POLA1: variants seen among roughly 807,000 people sequenced by gnomAD.
POLA1 encodes the protein DNA polymerase alpha catalytic subunit.
A neutral mutation model predicts 124.0 loss-of-function variants in POLA1; 15 were observed. The observed-to-expected ratio is 0.12, with a 90% CI of 0.08 to 0.19. The LOEUF (loss-of-function observed/expected upper bound fraction) is 0.19, where lower values mean the gene tolerates loss of function less well. Among genes scored for constraint, POLA1 ranks in the 10% least tolerant of loss-of-function variants. The pLI is 1.00. For synonymous variants in POLA1, 408 were observed against 389.4 expected (o/e 1.05, Z -0.56); for missense variants, 886 against 1,103.4 (o/e 0.80, Z 2.79).
At chrX:24,864,652 A>G (rs1278372148) in intron 34 of POLA1, among the ~76,000 whole-genome samples, 1 of 109,993 alleles carries the variant, frequency 9.1e-6, no homozygotes, top group Non-Finnish European at 1.9e-5. Context: ...ATCTTTTTCA[A>G]TTCTCCTTCA....
At chrX:24,898,946 C>G (rs1165227212) in intron 35 of POLA1, among the ~76,000 whole-genome samples, 5 of 111,563 alleles carry the variant, frequency 4.5e-5, no homozygotes, top group Non-Finnish European at 9.4e-5. Flanking sequence ...AGGTAAATCT[C>G]TGGAGCCTGT....
intron 36 of POLA1, among the ~76,000 whole-genome samples, chrX:24,939,059 A>G (rs1281448419): frequency 8.9e-6 from 1 of 112,026 alleles, no homozygotes; most frequent in African/African-American, 3.2e-5. Flanking sequence ...ATGATAACAG[A>G]TGTGTTACTC....
intron 36 of POLA1, among the ~76,000 whole-genome samples, chrX:24,955,155 GTT>G: frequency 1.0e-5 from 1 of 100,140 alleles, no homozygotes; most frequent in Non-Finnish European, 2.0e-5. Context: ...TTTGTTTTTG[GTT>G]TTTTTTTTTT....
intron 36 of POLA1, among the ~76,000 whole-genome samples, chrX:24,973,485 T>A (rs1025540538): frequency 2.7e-5 from 3 of 112,242 alleles, no homozygotes; most frequent in Non-Finnish European, 5.6e-5. Flanking sequence ...TCCACTGGCT[T>A]CAGGCTGTGT....
chrX:24,899,962 T>A (rs776599174), intron 35 of POLA1, among the ~76,000 whole-genome samples: 1 of 112,319 alleles, frequency 8.9e-6, no homozygotes, highest in Non-Finnish European at 1.9e-5. Flanking sequence ...TAATGTTTTT[T>A]GTGTCCTATA....
At chrX:24,757,078 G>GT (rs1396814738) in intron 26 of POLA1, among the ~76,000 whole-genome samples, 6 of 110,521 alleles carry the variant, frequency 5.4e-5, no homozygotes, top group Non-Finnish European at 1.1e-4. Flanking sequence ...CATATTTTAT[G>GT]TTAAAAAAAA....
In POLA1 at chrX:24,986,938, A is replaced by T. The variant is rs893137311; in HGVS notation, c.4262-8867A>T. 1.8e-5 allele frequency among the ~76,000 whole-genome samples: 2 copies of T among 111,233 alleles called. 1 individual carries two copies. The highest frequency in any genetic ancestry group is 3.8e-5 in the Non-Finnish European group (2 of 53,137). ...CCCTCTCTGATAGGCAGCTTCTAAG[A>T]TGGCACCCAGTGACTATTATTTGTG... On this transcript the variant is annotated intron_variant, in intron 36 of 36. Coordinates refer to ENST00000379068, the MANE Select transcript of POLA1 (RefSeq NM_001330360.2).
At chrX:24,751,560 T>A (rs780422264) in intron 26 of POLA1, among the ~76,000 whole-genome samples, 1 of 111,967 alleles carries the variant, frequency 8.9e-6, no homozygotes, top group African/African-American at 3.2e-5. Flanking sequence ...TAAATAAAAC[T>A]CTGGAAAGTA....
At chrX:24,956,069 G>A in intron 36 of POLA1, among the ~76,000 whole-genome samples, 1 of 104,184 alleles carries the variant, frequency 9.6e-6, no homozygotes, top group East Asian at 3.4e-4. Context: ...TGACGCAGAA[G>A]AGTCATTTGA....
Position 24,728,884 on chromosome X carries a change from A to C in POLA1, c.1686+948A>C, listed in dbSNP as rs896593845. 3.6e-5 allele frequency among the ~76,000 whole-genome samples: 4 copies of C among 112,188 alleles called. No homozygotes were observed. The Admixed American group carries it at 3.8e-4, about 11-fold the overall frequency. ...TTACTGTCTGGCTCTTGAAAGAAAA[A>C]GTGTGCTGACCCTGCCTTATCCTTC... On this transcript the variant is annotated intron_variant, in intron 15 of 36. Coordinates refer to ENST00000379068, the MANE Select transcript of POLA1 (RefSeq NM_001330360.2).
At chrX:24,836,849 A>G (rs1177600074) in intron 32 of POLA1, among the ~76,000 whole-genome samples, 1 of 111,943 alleles carries the variant, frequency 8.9e-6, no homozygotes, top group African/African-American at 3.2e-5. Context: ...ATAATTAGCT[A>G]TCTTAGAGAT....
chrX:24,764,477 G>A (rs1325913010), intron 26 of POLA1, among the ~76,000 whole-genome samples: 1 of 111,909 alleles, frequency 8.9e-6, no homozygotes, highest in Admixed American at 9.5e-5. Context: ...TTTTATGACT[G>A]ATTTAAAACT....
intron 36 of POLA1, among the ~76,000 whole-genome samples, chrX:24,956,997 G>A (rs888016046): frequency 9.0e-6 from 1 of 111,417 alleles, no homozygotes; most frequent in Non-Finnish European, 1.9e-5. Flanking sequence ...TGGGATGGGG[G>A]TGGACAGACA....
At chrX:24,712,114 C>T (rs1929492553) in intron 4 of POLA1, among the ~76,000 whole-genome samples, 1 of 111,429 alleles carries the variant, frequency 9.0e-6, no homozygotes, top group Admixed American at 9.5e-5. Flanking sequence ...GAGACTGAGT[C>T]TCACTTTGTC....
rs372782546 is a variant in POLA1, at chrX:24,930,416, CAGT to C, written c.4165-29_4165-27del. On this transcript the variant is annotated intron_variant, in intron 35 of 36. Transcript: ENST00000379068. ...GTGATCCCCATCGCTTCCCCCTCCCCAGTAGTAGTATTCATTTATTTTCTGTTA... is the reference window on the plus strand; with the variant it reads ...GTGATCCCCATCGCTTCCCCCTCCCCAGTAGTATTCATTTATTTTCTGTTA... The C allele has an allele frequency of 6.7e-3, 5,841 of 876,813 alleles. 23 individuals carry two copies. Among genetic ancestry groups the C allele is most frequent in the Non-Finnish European group, 7.4e-3 (4,377 of 591,943 alleles). 72.3% of individuals were successfully genotyped at this position (876,813 alleles called of 1,213,427 possible). A position where few individuals can be genotyped will look rare whatever the true frequency, so the allele number is the denominator to read the frequency against.
chrX:24,769,347 T>G (rs771302166), intron 26 of POLA1, among the ~76,000 whole-genome samples: 5 of 111,626 alleles, frequency 4.5e-5, no homozygotes, highest in Non-Finnish European at 7.5e-5. Flanking sequence ...TGGGTTTTTA[T>G]TCTGCTGCCT....
intron 36 of POLA1, among the ~76,000 whole-genome samples, chrX:24,972,388 T>A (rs2147275229): frequency 8.9e-6 from 1 of 112,358 alleles, no homozygotes; most frequent in East Asian, 2.8e-4. Context: ...TTCTGACATC[T>A]TCTTTATCCT....
At chrX:24,802,588 T>C (rs1463068719) in intron 26 of POLA1, among the ~76,000 whole-genome samples, 4 of 111,711 alleles carry the variant, frequency 3.6e-5, no homozygotes, top group Non-Finnish European at 5.6e-5. Flanking sequence ...TAGAGACAAG[T>C]AGGCCAAGAG....
At chrX:24,806,053 G>GTTTTTTTTTTTTT (rs751012614) in intron 26 of POLA1, among the ~76,000 whole-genome samples, 1 of 35,302 alleles carries the variant, frequency 2.8e-5, no homozygotes, top group African/African-American at 1.2e-4. Context: ...GTGGTATGAG[G>GTTTTTTTTTTTTT]TTTTTTTTTT....
Sources: gnomAD v4.1 joint callset for allele counts (sites outside exome capture counted in the v4.1 genomes callset) on GRCh38, gnomAD v4.1.1 for gene constraint, MANE v1.5 for transcripts, NCBI Gene and HGNC (gene_info 2026-07-23, HGNC 2026-07-21) for gene names.